Variants in PPP3CB observed in about 807,000 individuals in gnomAD.
PPP3CB encodes protein phosphatase 3 catalytic subunit beta, also known as serine/threonine-protein phosphatase 2B catalytic subunit beta isoform.
A neutral mutation model predicts 66.4 loss-of-function variants in PPP3CB; 8 were observed. The ratio of observed to expected loss-of-function variants is 0.12; its 90% CI spans 0.07 to 0.22. The LOEUF (loss-of-function observed/expected upper bound fraction) is 0.22. Among genes scored for constraint, PPP3CB ranks in the 10% least tolerant of loss-of-function variants. The probability of loss-of-function intolerance (pLI) is 1.00; values close to 1 mark genes in which losing one functional copy is unlikely to be tolerated. For synonymous variants in PPP3CB, 208 were observed against 221.2 expected (o/e 0.94, Z 0.53); for missense variants, 319 against 642.5 (o/e 0.50, Z 5.44).
At chr10:73,462,140 CTTTTTTTTTTTT>C (rs1019088638) in intron 9 of PPP3CB, among the ~76,000 whole-genome samples, 3 of 94,216 alleles carry the variant, frequency 3.2e-5, no homozygotes, top group Non-Finnish European at 4.3e-5. Flanking sequence ...TAAACTCCTT[CTTTTTTTTTTTT>C]TTTTTTTTTT....
At chr10:73,450,213 C>T (rs530734301) in intron 10 of PPP3CB, among the ~76,000 whole-genome samples, 101 of 152,314 alleles carry the variant, frequency 6.6e-4, no homozygotes, top group African/African-American at 2.2e-3. Flanking sequence ...CACAGCCATC[C>T]CATCAAGTTT....
Position 73,438,248 on chromosome 10 carries a change from G to C in PPP3CB, c.1569C>G (p.Ala523=). ...GTCCCTGGGAAGTAGTGGGTCACTG[G>C]GCAGTATGGTTGCCCGTCCCGTGGT... ...TENHGTGNHT[A]Q The change falls in exon 14 of 14, where the codon GCC becomes GCG. Residue 523 remains alanine, a synonymous_variant. Coordinates refer to ENST00000360663, the MANE Select transcript of PPP3CB (RefSeq NM_021132.4). The C allele has an allele frequency of 6.2e-7, 1 of 1,613,606 alleles. No individual in the cohort carries two copies. The highest frequency in any genetic ancestry group is 2.2e-5 in the East Asian group (1 of 44,832).
At chr10:73,487,564 C>CAAAAAAAAAAAAAAAAAA (rs746889105) in intron 1 of PPP3CB, among the ~76,000 whole-genome samples, 3 of 65,216 alleles carry the variant, frequency 4.6e-5, no homozygotes, top group African/African-American at 6.1e-5. Context: ...AAACCAAAAC[C>CAAAAAAAAAAAAAAAAAA]AAAAAAAAAA....
At chr10:73,460,420 A>G in intron 9 of PPP3CB, among the ~76,000 whole-genome samples, 1 of 152,168 alleles carries the variant, frequency 6.6e-6, no homozygotes, top group East Asian at 1.9e-4. Flanking sequence ...TAAACGATAA[A>G]GCAAGTTTCC....
rs568002047 is a variant in PPP3CB, at chr10:73,464,514, T to C, written c.1108+3039A>G. 7.7e-4 allele frequency among the ~76,000 whole-genome samples: 117 copies of C among 152,298 alleles called. 2 individuals are homozygous for C. Among genetic ancestry groups the C allele is most frequent in the Admixed American group, 1.0e-3 (16 of 15,294 alleles). On this transcript the variant is annotated intron_variant, in intron 9 of 13. Coordinates refer to ENST00000360663, the MANE Select transcript of PPP3CB (RefSeq NM_021132.4). ...AAAGGAGGGCCAATAAGTGTGAAGG[T>C]TGCAAATTCATTTCAGAACTATGAC...
At chr10:73,448,109 A>T (rs571009399) in intron 10 of PPP3CB, among the ~76,000 whole-genome samples, 1 of 152,154 alleles carries the variant, frequency 6.6e-6, no homozygotes, top group Admixed American at 6.5e-5. Context: ...AATTGACAGA[A>T]TTTTAAAGTA....
At chr10:73,456,197 C>A (rs540984388) in intron 9 of PPP3CB, among the ~76,000 whole-genome samples, 2 of 152,322 alleles carry the variant, frequency 1.3e-5, no homozygotes, top group Non-Finnish European at 2.9e-5. Context: ...AAGCACCCCA[C>A]ATGTCAAGTA....
intron 9 of PPP3CB, among the ~76,000 whole-genome samples, chr10:73,463,482 A>C (rs1330045159): frequency 6.6e-6 from 1 of 152,096 alleles, no homozygotes; most frequent in Non-Finnish European, 1.5e-5. Context: ...GATCCTACTC[A>C]CTAATCAAAT....
At chr10:73,471,393 A>C in intron 5 of PPP3CB, 75 bp downstream of exon 5, 1 of 1,463,164 alleles carries the variant, frequency 6.8e-7, no homozygotes, top group South Asian at 1.3e-5. Context: ...CAGTGAAGTG[A>C]AGTTTGAAAC....
At chr10:73,472,943 T>C (rs941116822) in intron 4 of PPP3CB, among the ~76,000 whole-genome samples, 1 of 152,194 alleles carries the variant, frequency 6.6e-6, no homozygotes, top group Non-Finnish European at 1.5e-5. Context: ...AGGTGGTTTG[T>C]TATTTATCTA....
At chr10:73,493,184 G>A (rs774187599) in intron 1 of PPP3CB, among the ~76,000 whole-genome samples, 14 of 151,382 alleles carry the variant, frequency 9.2e-5, no homozygotes, top group Non-Finnish European at 1.5e-4. Flanking sequence ...GCTGAGGCAG[G>A]AGAATCGCTT....
chr10:73,463,108 C>T (rs969966332), intron 9 of PPP3CB, among the ~76,000 whole-genome samples: 4 of 151,998 alleles, frequency 2.6e-5, no homozygotes, highest in Admixed American at 2.6e-4. Context: ...CTTCACCAGA[C>T]TCAAAATATC....
chr10:73,468,763 T>C, intron 8 of PPP3CB, among the ~76,000 whole-genome samples: 1 of 152,324 alleles, frequency 6.6e-6, no homozygotes, highest in East Asian at 1.9e-4. Flanking sequence ...TTGTTTCCCA[T>C]ATGAAATTCC....
At chr10:73,464,431 A>G (rs1237018392) in intron 9 of PPP3CB, among the ~76,000 whole-genome samples, 1 of 152,152 alleles carries the variant, frequency 6.6e-6, no homozygotes, top group Admixed American at 6.5e-5. Flanking sequence ...TAAATCTTAC[A>G]TGTATGACCT....
At chr10:73,478,366 C>T in intron 3 of PPP3CB, 133 bp downstream of exon 3, 2 of 714,148 alleles carry the variant, frequency 2.8e-6, no homozygotes. Flanking sequence ...TAAATAGTAG[C>T]TTTTCATAAA....
rs1361790819 is a variant in PPP3CB, at chr10:73,437,663, T to C, written c.*579A>G. On this transcript the variant is annotated 3_prime_UTR_variant, in exon 14 of 14. Coordinates refer to ENST00000360663, the MANE Select transcript of PPP3CB (RefSeq NM_021132.4). ...TGGAAATAGGATATGCATTCATAAT[T>C]AAAAAATACCAAGACTATGTTACAG... 6.6e-6 allele frequency: 1 copy of C among 152,604 alleles called. No individual in the cohort carries two copies. The highest frequency in any genetic ancestry group is 2.4e-5 in the African/African-American group (1 of 41,442). The allele number at this position is 152,604 out of a possible 1,614,324, so 9.5% of individuals were successfully genotyped here. A position where few individuals can be genotyped will look rare whatever the true frequency, so the allele number is the denominator to read the frequency against.
At chr10:73,465,554 T>C (rs2056606029) in intron 9 of PPP3CB, among the ~76,000 whole-genome samples, 1 of 152,044 alleles carries the variant, frequency 6.6e-6, no homozygotes, top group African/African-American at 2.4e-5. Context: ...AGAGCGAGAC[T>C]CTGTCTCTAT....
intron 9 of PPP3CB, among the ~76,000 whole-genome samples, chr10:73,464,570 T>C (rs1345302473): frequency 1.3e-5 from 2 of 152,156 alleles, no homozygotes; most frequent in African/African-American, 4.8e-5. Flanking sequence ...TACATACATT[T>C]ATACATGAAT....
chr10:73,459,768 C>G (rs187039008), intron 9 of PPP3CB, among the ~76,000 whole-genome samples: 1 of 152,174 alleles, frequency 6.6e-6, no homozygotes, highest in East Asian at 1.9e-4. Flanking sequence ...TCTATGGGGA[C>G]AGCAGATTGG....
Sources: gnomAD v4.1 joint callset for allele counts (sites outside exome capture counted in the v4.1 genomes callset) on GRCh38, gnomAD v4.1.1 for gene constraint, MANE v1.5 for transcripts, NCBI Gene and HGNC (gene_info 2026-07-23, HGNC 2026-07-21) for gene names.